Variants in PTPRD observed in about 807,000 individuals in gnomAD.
PTPRD encodes the protein protein tyrosine phosphatase receptor type D, also known as receptor-type tyrosine-protein phosphatase delta.
A neutral mutation model predicts 214.5 loss-of-function variants in PTPRD; 34 were observed. The ratio of observed to expected loss-of-function variants is 0.16; its 90% CI spans 0.12 to 0.21. The LOEUF (loss-of-function observed/expected upper bound fraction) is 0.21. Among genes scored for constraint, PTPRD ranks in the 10% least tolerant of loss-of-function variants. The pLI is 1.00. For synonymous variants in PTPRD, 1,128 were observed against 845.7 expected (o/e 1.33, Z -5.79); for missense variants, 2,545 against 2,398.7 (o/e 1.06, Z -1.27).
At chr9:8,693,966 G>A (rs2097858242) in intron 12 of PTPRD, among the ~76,000 whole-genome samples, 1 of 152,174 alleles carries the variant, frequency 6.6e-6, no homozygotes, top group African/African-American at 2.4e-5. Context: ...TAATTTAAAA[G>A]TAGATAATTT....
chr9:9,013,761 C>A (rs1357112812), intron 11 of PTPRD, among the ~76,000 whole-genome samples: 7 of 152,094 alleles, frequency 4.6e-5, no homozygotes, highest in Non-Finnish European at 2.9e-5. Context: ...TGGGGATGTA[C>A]CCACTGTTTT....
intron 2 of PTPRD, among the ~76,000 whole-genome samples, chr9:10,367,663 G>A (rs987060970): frequency 2.0e-5 from 3 of 152,172 alleles, no homozygotes; most frequent in Non-Finnish European, 2.9e-5. Flanking sequence ...AAGAGAGTAT[G>A]TAAGAAGCTG....
At chr9:9,937,564 A>T (rs2089996193) in intron 5 of PTPRD, among the ~76,000 whole-genome samples, 1 of 152,158 alleles carries the variant, frequency 6.6e-6, no homozygotes, top group Admixed American at 6.5e-5. Context: ...CTAATTATTT[A>T]CTCACATTAA....
intron 9 of PTPRD, among the ~76,000 whole-genome samples, chr9:9,385,659 G>A (rs1364896825): frequency 6.6e-6 from 1 of 152,220 alleles, no homozygotes; most frequent in East Asian, 1.9e-4. Context: ...GTGAATACAG[G>A]CAAGAAGAAT....
chr9:8,451,037 T>C (rs1183454031), intron 33 of PTPRD, among the ~76,000 whole-genome samples: 1 of 152,194 alleles, frequency 6.6e-6, no homozygotes, highest in Non-Finnish European at 1.5e-5. Flanking sequence ...TGGGGTCTCA[T>C]TCAATGCCAC....
intron 11 of PTPRD, among the ~76,000 whole-genome samples, chr9:8,740,290 T>C (rs7847883): frequency 5.3e-4 from 80 of 152,272 alleles, no homozygotes; most frequent in African/African-American, 1.8e-3. Context: ...ATGTTAAAGA[T>C]GGCGTTTCAT....
At chr9:10,488,076 G>A (rs944584576) in intron 2 of PTPRD, among the ~76,000 whole-genome samples, 1 of 151,114 alleles carries the variant, frequency 6.6e-6, no homozygotes, top group South Asian at 2.1e-4. Flanking sequence ...GACTAAGACT[G>A]TGCCAGGTCG....
chr9:8,349,947 TTTAAATTTCAG>T (rs1325088298), intron 39 of PTPRD, among the ~76,000 whole-genome samples: 19 of 151,946 alleles, frequency 1.3e-4, no homozygotes, highest in Non-Finnish European at 2.1e-4. Flanking sequence ...TTTTTTTTTT[TTTAAATTTCAG>T]TAAGTGATAG....
chr9:9,494,196 G>T (rs769744825), intron 8 of PTPRD, among the ~76,000 whole-genome samples: 5 of 152,156 alleles, frequency 3.3e-5, no homozygotes, highest in African/African-American at 1.2e-4. Context: ...GTTTTCATGA[G>T]ATGAAATCTA....
chr9:9,315,964 C>T (rs903157726), intron 9 of PTPRD, among the ~76,000 whole-genome samples: 4 of 151,218 alleles, frequency 2.6e-5, no homozygotes, highest in African/African-American at 7.3e-5. Context: ...TATCTGTGCC[C>T]ATGTGAATCT....
intron 10 of PTPRD, among the ~76,000 whole-genome samples, chr9:9,160,734 G>A (rs1190139533): frequency 6.6e-6 from 1 of 152,146 alleles, no homozygotes; most frequent in Non-Finnish European, 1.5e-5. Context: ...GCATGCTCAT[G>A]TGCATTGCAG....
chr9:8,708,704 A>AAAC (rs748191308), intron 12 of PTPRD, among the ~76,000 whole-genome samples: 349 of 123,562 alleles, frequency 2.8e-3, no homozygotes, highest in Non-Finnish European at 4.6e-3. Context: ...AAAAAAAAAA[A>AAAC]CAGAGCTACC....
intron 7 of PTPRD, among the ~76,000 whole-genome samples, chr9:9,612,554 C>T (rs1330735446): frequency 1.3e-5 from 2 of 152,102 alleles, no homozygotes; most frequent in African/African-American, 2.4e-5. Flanking sequence ...TCATGATCTG[C>T]GTTCCTGTTT....
chr9:8,977,739 T>C (rs978914714), intron 11 of PTPRD, among the ~76,000 whole-genome samples: 5 of 150,894 alleles, frequency 3.3e-5, no homozygotes, highest in African/African-American at 7.3e-5. Flanking sequence ...AACTTAGAGA[T>C]AGAAAGTGAG....
chr9:8,816,873 G>T (rs972278008), intron 11 of PTPRD, among the ~76,000 whole-genome samples: 1 of 152,094 alleles, frequency 6.6e-6, no homozygotes, highest in African/African-American at 2.4e-5. Flanking sequence ...ACCTTCTAAG[G>T]AATACAACAA....
chr9:10,537,900 T>A (rs2058212033), intron 2 of PTPRD, among the ~76,000 whole-genome samples: 1 of 152,132 alleles, frequency 6.6e-6, no homozygotes, highest in African/African-American at 2.4e-5. Flanking sequence ...ATGTTAAGAA[T>A]GCAGATTCTC....
intron 2 of PTPRD, among the ~76,000 whole-genome samples, chr9:10,425,285 C>T (rs1023050376): frequency 2.0e-5 from 3 of 151,898 alleles, no homozygotes; most frequent in African/African-American, 4.8e-5. Flanking sequence ...CAAAAAAAAT[C>T]CAATAATGTT....
chr9:8,460,721 G>A (rs938001100), intron 32 of PTPRD, 150 bp from the exon 33 acceptor site: 1 of 661,344 alleles, frequency 1.5e-6, no homozygotes, highest in Non-Finnish European at 2.4e-6. Flanking sequence ...GAGGGGAGAG[G>A]AGAATAAAGA....
intron 2 of PTPRD, among the ~76,000 whole-genome samples, chr9:10,505,681 A>G (rs2045690106): frequency 7.4e-6 from 1 of 134,274 alleles, no homozygotes; most frequent in Non-Finnish European, 1.7e-5. Flanking sequence ...AGCAACAACA[A>G]AAAGTTAAAA....
Sources: gnomAD v4.1 joint callset for allele counts (sites outside exome capture counted in the v4.1 genomes callset) on GRCh38, gnomAD v4.1.1 for gene constraint, MANE v1.5 for transcripts, NCBI Gene and HGNC (gene_info 2026-07-23, HGNC 2026-07-21) for gene names.